MLXIP: variants seen among roughly 807,000 people sequenced by gnomAD.
The protein encoded by MLXIP is MLX-interacting protein.
A neutral mutation model predicts 87.2 loss-of-function variants in MLXIP; 30 were observed. The observed-to-expected ratio is 0.34, with a 90% CI of 0.26 to 0.47. The LOEUF (loss-of-function observed/expected upper bound fraction) is 0.47, where lower values mean the gene tolerates loss of function less well. MLXIP is among the 20% of genes least tolerant of loss of function. The pLI is 1.00. For missense variants in MLXIP, 1,002 were observed against 1,240.1 expected (o/e 0.81, Z 2.88); for synonymous variants, 530 against 514.0 (o/e 1.03, Z -0.42).
intron 1 of MLXIP, among the ~76,000 whole-genome samples, chr12:122,082,856 T>C (rs1293049426): frequency 6.6e-6 from 1 of 152,254 alleles, no homozygotes; most frequent in Non-Finnish European, 1.5e-5. Flanking sequence ...GATCTCGCTC[T>C]GTTTCCCAGT....
chr12:122,117,063 A>G (rs954329921), intron 1 of MLXIP, among the ~76,000 whole-genome samples: 2 of 152,100 alleles, frequency 1.3e-5, no homozygotes, highest in African/African-American at 4.8e-5. Context: ...TGCTTTTCAC[A>G]CAGAAAAGAC....
chr12:122,122,961 G>T (rs1445305713), intron 1 of MLXIP, among the ~76,000 whole-genome samples: 1 of 151,992 alleles, frequency 6.6e-6, no homozygotes, highest in Non-Finnish European at 1.5e-5. Context: ...CCAAGTGCTG[G>T]GATTACAGGC....
At chr12:122,122,103 G>A (rs1392186492) in intron 1 of MLXIP, among the ~76,000 whole-genome samples, 1 of 152,168 alleles carries the variant, frequency 6.6e-6, no homozygotes, top group Non-Finnish European at 1.5e-5. Context: ...GGAGGCCAGA[G>A]GAGGATTGCG....
chr12:122,084,760 C>T (rs576283528), intron 1 of MLXIP, among the ~76,000 whole-genome samples: 11 of 152,118 alleles, frequency 7.2e-5, no homozygotes, highest in Non-Finnish European at 1.5e-4. Flanking sequence ...GTTGGCCAGG[C>T]TGGTCTCAAA....
At chr12:122,122,931 G>C (rs1952808195) in intron 1 of MLXIP, among the ~76,000 whole-genome samples, 2 of 150,828 alleles carry the variant, frequency 1.3e-5, no homozygotes, top group South Asian at 4.2e-4. Flanking sequence ...GAGCTCAAGT[G>C]ATCCTCCCGC....
In MLXIP at chr12:122,146,984, G is replaced by A. The variant is rs1204080633; in HGVS notation, c.*5172G>A. 6.6e-6 allele frequency: 1 copy of A among 152,200 alleles called. No homozygotes were observed. The highest frequency in any genetic ancestry group is 1.5e-5 in the Non-Finnish European group (1 of 68,042). The allele number at this position is 152,200 out of a possible 1,614,324, so 9.4% of individuals were successfully genotyped here. A position where few individuals can be genotyped will look rare whatever the true frequency, so the allele number is the denominator to read the frequency against. The stretch of plus-strand genomic sequence containing the variant: ...CCTTTTCTCTAGCCGAATCTTTTTC[G>A]AACAGCCCGGGAAAGGAAAACGGAT... On this transcript the variant is annotated 3_prime_UTR_variant, in exon 17 of 17. Coordinates refer to ENST00000319080, the MANE Select transcript of MLXIP (RefSeq NM_014938.6).
In MLXIP at chr12:122,133,947, G is replaced by A; in HGVS notation, c.1692G>A (p.Glu564=). 3.7e-6 allele frequency: 6 copies of A among 1,606,618 alleles called. No homozygotes were observed. In the South Asian group the frequency reaches 6.7e-5, roughly 18 times the overall value. Reference sequence around the variant, plus strand: ...AAATAGTGCCTGCTCCCAAACCAGAGCCCGTGTCCTTGGTGTTGAAGAATG... The same window carrying A: ...AAATAGTGCCTGCTCCCAAACCAGAACCCGTGTCCTTGGTGTTGAAGAATG... ...PHKIVPAPKP[E]PVSLVLKNAR... is the part of the protein sequence containing the mutation. The change falls in exon 9 of 17, where the codon GAG becomes GAA. Residue 564 remains glutamate (E), a synonymous_variant. Coordinates refer to ENST00000319080, the MANE Select transcript of MLXIP (RefSeq NM_014938.6). This position sits in a 1 kb window ranked among gnomAD's most constrained non-coding sequence, Gnocchi z 4.9.
At position 122,135,972 on chromosome 12, in the gene MLXIP, A is replaced by C; in HGVS notation, c.2032+306A>C. On this transcript the variant is annotated intron_variant, in intron 11 of 16. Coordinates refer to ENST00000319080, the MANE Select transcript of MLXIP (RefSeq NM_014938.6). This position sits in a 1 kb window ranked among gnomAD's most constrained non-coding sequence, Gnocchi z 5.3. Reference sequence around the variant, plus strand: ...ACTGAGCTGCTGATCTCACCCAGAGAAGGGATTGAGGAGCCCTGGGCTTCC... The same window carrying C: ...ACTGAGCTGCTGATCTCACCCAGAGCAGGGATTGAGGAGCCCTGGGCTTCC... 3.2e-6 allele frequency: 1 copy of C among 308,256 alleles called. No homozygotes were observed. The allele number at this position is 308,256 out of a possible 1,614,324, so 19.1% of individuals were successfully genotyped here.
intron 3 of MLXIP, chr12:122,128,176 G>A (rs1159155197): frequency 5.4e-6 from 3 of 558,936 alleles, no homozygotes; most frequent in Non-Finnish European, 9.7e-6. Context: ...CAGAGGGACT[G>A]GCCCAGGGAC....
chr12:122,118,157 C>T (rs982364673), intron 1 of MLXIP, among the ~76,000 whole-genome samples: 2 of 152,170 alleles, frequency 1.3e-5, no homozygotes, highest in African/African-American at 4.8e-5. Flanking sequence ...GTGGCAACTA[C>T]AGTGTGGATC....
rs1175238204 is a variant in MLXIP at position 122,130,893 on chromosome 12, G to A, written c.960G>A (p.Gln320=). The change falls in exon 7 of 17, where the codon CAG becomes CAA. Residue 320 remains glutamine (Q), a synonymous_variant. Coordinates refer to ENST00000319080, the MANE Select transcript of MLXIP (RefSeq NM_014938.6). ...TCCAGCCGGGACTGATTCCTTTGCAGCCTAACCTGGACTTCATGGACACCT... is the reference window on the plus strand; with the variant it reads ...TCCAGCCGGGACTGATTCCTTTGCAACCTAACCTGGACTTCATGGACACCT... ...DMIQPGLIPL[Q]PNLDFMDTFE... is the part of the protein sequence containing the mutation. 2 of 1,613,848 alleles carry A rather than the reference G, an allele frequency of 1.2e-6. No homozygotes were observed. The highest frequency in any genetic ancestry group is 1.1e-5 in the South Asian group (1 of 91,066).
chr12:122,079,367 A>G (rs1952059042), intron 1 of MLXIP, 101 bp downstream of exon 1: 1 of 1,054,950 alleles, frequency 9.5e-7, no homozygotes, highest in Admixed American at 2.3e-5. Flanking sequence ...GGCTTCATGC[A>G]TTCCCTTTGG....
chr12:122,078,968 TCCCCGCCGCCCGC>T lies in MLXIP; in HGVS notation c.117_129del (p.Pro41AlafsTer89). 15 of 1,088,090 alleles carry T rather than the reference TCCCCGCCGCCCGC, an allele frequency of 1.4e-5. No individual in the cohort carries two copies. Among genetic ancestry groups the T allele is most frequent in the Non-Finnish European group, 1.7e-5 (15 of 892,748 alleles). The allele number at this position is 1,088,090 out of a possible 1,614,324, so 67.4% of individuals were successfully genotyped here. ...CGACGACTCGGACACGGATGAGCCG[TCCCCGCCGCCCGC>T]CTCCGGCGCGGCCACCCCGGCCCGG... is the stretch of plus-strand genomic sequence containing the variant. On this transcript the variant is annotated frameshift_variant, in exon 1 of 17. Coordinates refer to ENST00000319080, the MANE Select transcript of MLXIP (RefSeq NM_014938.6). LOFTEE classifies it high-confidence loss of function.
Position 122,135,502 on chromosome 12 carries a change from C to T in MLXIP, c.1868C>T (p.Pro623Leu), listed in dbSNP as rs1244591062. 1.9e-5 allele frequency: 31 copies of T among 1,609,274 alleles called. No homozygotes were observed. The highest frequency in any genetic ancestry group is 2.3e-5 in the Non-Finnish European group (27 of 1,178,304). The change falls in exon 11 of 17, where the codon CCG becomes CTG. Residue 623 changes from proline (P) to leucine (L), a missense_variant. This residue lies in a region of MLXIP where 746 missense variants were observed against 897.0 expected (regional missense o/e 0.83). Coordinates refer to ENST00000319080, the MANE Select transcript of MLXIP (RefSeq NM_014938.6). The surrounding 1 kb of genome is among the most constrained non-coding windows in gnomAD (Gnocchi z 5.3). ...ATGTCACTGCAGGCTCCTGGGGTCC[C>T]GGAGTTCCACAGCAGCATCCTGGTG... ...PAAIARAPGVPEFHSSILVTD... is the reference protein window; with the variant it reads ...PAAIARAPGVLEFHSSILVTD...
Position 122,145,884 on chromosome 12 carries a change from C to A in MLXIP, c.*4072C>A, listed in dbSNP as rs1367843705. ...GGAAGGCTTGGAGGGCCCGTCTCAT[C>A]ACCCCCGTTCGCCCTCAGCTGTCCC... On this transcript the variant is annotated 3_prime_UTR_variant, in exon 17 of 17. Coordinates refer to ENST00000319080, the MANE Select transcript of MLXIP (RefSeq NM_014938.6). 1 of 152,406 alleles carries A rather than the reference C, an allele frequency of 6.6e-6. No individual in the cohort carries two copies. The highest frequency in any genetic ancestry group is 2.4e-5 in the African/African-American group (1 of 41,446). The allele number at this position is 152,406 out of a possible 1,614,324, so 9.4% of individuals were successfully genotyped here.
intron 1 of MLXIP, among the ~76,000 whole-genome samples, chr12:122,093,637 G>A (rs1952286958): frequency 7.6e-6 from 1 of 132,224 alleles, no homozygotes; most frequent in Non-Finnish European, 1.6e-5. Flanking sequence ...GTGTTGGTGT[G>A]TGGTGTGTTG....
chr12:122,136,007 G>A (rs1319270904), intron 11 of MLXIP: 1 of 242,148 alleles, frequency 4.1e-6, no homozygotes, highest in Non-Finnish European at 8.0e-6. Flanking sequence ...CTGTCTCTGG[G>A]AGCATCAGCC....
chr12:122,133,980 C>A lies in MLXIP; in HGVS notation c.1725C>A (p.Ile575=). 6.3e-7 allele frequency: 1 copy of A among 1,597,586 alleles called. No individual in the cohort carries two copies. The highest frequency in any genetic ancestry group is 8.5e-7 in the Non-Finnish European group (1 of 1,171,164). ...CCTTGGTGTTGAAGAATGCCCGTAT[C>A]GCCCCAGGTGAGCCAGGCGGGGAGA... ...PVSLVLKNAR[I]APAAFSGQPQ... Residue 575 remains isoleucine (I), a synonymous_variant, in exon 9 of 17, where the codon ATC becomes ATA. Coordinates refer to ENST00000319080, the MANE Select transcript of MLXIP (RefSeq NM_014938.6). The surrounding 1 kb of genome is among the most constrained non-coding windows in gnomAD (Gnocchi z 4.9).
At chr12:122,107,984 G>A (rs575406603) in intron 1 of MLXIP, among the ~76,000 whole-genome samples, 36 of 152,272 alleles carry the variant, frequency 2.4e-4, no homozygotes, top group Non-Finnish European at 4.6e-4. Flanking sequence ...TTTCCAAGCT[G>A]ACCCTGATTG....
Sources: gnomAD v4.1 joint callset for allele counts (sites outside exome capture counted in the v4.1 genomes callset) on GRCh38, gnomAD v4.1.1 for gene constraint, gnomAD v4.1.1 regional missense constraint, Gnocchi (gnomAD v3.1) non-coding constraint, MANE v1.5 for transcripts, NCBI Gene and HGNC (gene_info 2026-07-23, HGNC 2026-07-21) for gene names.